DMD: variants seen among roughly 807,000 people sequenced by gnomAD.
DMD encodes dystrophin, also known as mutant dystrophin.
A neutral mutation model predicts 330.1 loss-of-function variants in DMD; 63 were observed. The observed-to-expected ratio is 0.19, with a 90% confidence interval of 0.16 to 0.24. The LOEUF (loss-of-function observed/expected upper bound fraction) is 0.24. DMD is among the 10% of genes least tolerant of loss of function. The pLI is 1.00. For synonymous variants in DMD, 1,223 were observed against 959.8 expected, an observed-to-expected ratio of 1.27 and a Z score of -5.07; for missense variants, 3,344 against 2,684.1, an observed-to-expected ratio of 1.25 and a Z score of -5.43.
At chrX:31,728,115 C>T (rs2086204688) in intron 52 of DMD, among the ~76,000 whole-genome samples, 1 of 112,195 alleles carries the variant, frequency 8.9e-6, no homozygotes, top group East Asian at 2.8e-4. Flanking sequence ...CTCCGCCTCC[C>T]GGGTTCACGC....
At chrX:31,586,883 A>T (rs1456638068) in intron 55 of DMD, among the ~76,000 whole-genome samples, 1 of 112,288 alleles carries the variant, frequency 8.9e-6, no homozygotes, top group African/African-American at 3.2e-5. Context: ...CAATTTAGGA[A>T]CTAAACTCTT....
At chrX:32,852,106 C>A (rs772314496) in intron 2 of DMD, among the ~76,000 whole-genome samples, 28 of 111,757 alleles carry the variant, frequency 2.5e-4, no homozygotes, top group Non-Finnish European at 4.7e-4. Context: ...CCTAACAGTG[C>A]AGCTGACAGC....
intron 44 of DMD, among the ~76,000 whole-genome samples, chrX:32,154,868 A>C (rs2096822917): frequency 9.2e-6 from 1 of 108,536 alleles, no homozygotes; most frequent in Non-Finnish European, 1.9e-5. Context: ...AAAAAAAAAA[A>C]ATTGCCTGTT....
At chrX:32,489,870 T>C (rs1412595555) in intron 20 of DMD, among the ~76,000 whole-genome samples, 11 of 111,844 alleles carry the variant, frequency 9.8e-5, no homozygotes, top group Non-Finnish European at 1.9e-5. Context: ...AATTACAAAA[T>C]GCATCTCAAT....
Position 33,142,029 on chromosome X carries a change from T to C in DMD, c.31+69253A>G, listed in dbSNP as rs1157551649. The stretch of plus-strand genomic sequence containing the variant: ...TCAAACTGAAATGCCTAAGCAACCC[T>C]TAAAGATAGCTTTTGTCAAGCTAAA... On this transcript the variant is annotated intron_variant, in intron 1 of 78. Coordinates refer to ENST00000357033, the MANE Select transcript of DMD (RefSeq NM_004006.3). Among the ~76,000 whole-genome samples the C allele has an allele frequency of 2.7e-5, 3 of 112,642 alleles. No individual in the cohort carries two copies. The Admixed American group carries it at 2.8e-4, about 11-fold the overall frequency.
At chrX:32,556,365 G>A (rs1473862903) in intron 16 of DMD, among the ~76,000 whole-genome samples, 2 of 111,411 alleles carry the variant, frequency 1.8e-5, no homozygotes, top group Non-Finnish European at 3.8e-5. Context: ...CACTCTTGGT[G>A]GGAGTGTAAA....
chrX:32,663,056 A>G (rs935047993), intron 9 of DMD, among the ~76,000 whole-genome samples: 3 of 111,805 alleles, frequency 2.7e-5, no homozygotes, highest in African/African-American at 9.8e-5. Flanking sequence ...CAATATATTG[A>G]CTATTTTTCA....
chrX:32,255,939 C>A (rs1025172124), intron 43 of DMD, among the ~76,000 whole-genome samples: 1 of 111,953 alleles, frequency 8.9e-6, no homozygotes. Context: ...AGTTGTATAA[C>A]TGTGAAATCA....
chrX:32,986,286 T>C (rs899354792), intron 2 of DMD, among the ~76,000 whole-genome samples: 1 of 112,394 alleles, frequency 8.9e-6, no homozygotes, highest in Non-Finnish European at 1.9e-5. Context: ...TTGTTAAAGC[T>C]GATCTAGAAG....
chrX:32,206,129 G>A (rs1262191718), intron 44 of DMD: 16 of 516,757 alleles, frequency 3.1e-5, no homozygotes, highest in Non-Finnish European at 4.9e-5. Flanking sequence ...CTTTGAAAAT[G>A]TCTGTACAGC....
At chrX:31,897,293 G>A (rs2094352850) in intron 47 of DMD, among the ~76,000 whole-genome samples, 1 of 111,352 alleles carries the variant, frequency 9.0e-6, no homozygotes, top group African/African-American at 3.3e-5. Flanking sequence ...TGGTGTATAT[G>A]TGCCACATTT....
chrX:32,375,227 TAAAG>T (rs1014528283), intron 34 of DMD, among the ~76,000 whole-genome samples: 2 of 109,370 alleles, frequency 1.8e-5, no homozygotes, highest in African/African-American at 6.7e-5. Flanking sequence ...ATGTAGATAA[TAAAG>T]AAAAAAAAAG....
chrX:31,699,116 A>G (rs1033297824), intron 52 of DMD, among the ~76,000 whole-genome samples: 3 of 111,995 alleles, frequency 2.7e-5, no homozygotes, highest in Non-Finnish European at 5.6e-5. Flanking sequence ...GGCACTGAGA[A>G]AAGTACCTGA....
At chrX:31,148,377 T>C (rs1361505886) in intron 74 of DMD, among the ~76,000 whole-genome samples, 1 of 112,625 alleles carries the variant, frequency 8.9e-6, no homozygotes, top group Admixed American at 9.4e-5. Context: ...TCCAGGTCGA[T>C]ACATAATAGT....
chrX:32,848,068 G>GTGAT (rs1488080119), intron 3 of DMD, among the ~76,000 whole-genome samples: 1 of 111,774 alleles, frequency 8.9e-6, no homozygotes. Context: ...ATTGCTTTGG[G>GTGAT]TGATAGATGG....
rs779693224 is a variant in DMD, at chrX:33,101,575, G to A, written c.32-81375C>T. Among the ~76,000 whole-genome samples the A allele has an allele frequency of 3.6e-5, 4 of 111,507 alleles. No individual in the cohort carries two copies. In the South Asian group the frequency reaches 1.1e-3, roughly 31 times the overall value. ...GAACCAGGGAGGCGGAGGTTGCAGC[G>A]GGCAGAGATCGTGCCACTGCACTCC... On this transcript the variant is annotated intron_variant, in intron 1 of 78. Coordinates refer to ENST00000357033, the MANE Select transcript of DMD (RefSeq NM_004006.3).
At chrX:33,308,138 G>A (rs1197015811) in intron 1 of DMD, among the ~76,000 whole-genome samples, 2 of 112,085 alleles carry the variant, frequency 1.8e-5, no homozygotes, top group African/African-American at 6.5e-5. Context: ...AGCTACTTAT[G>A]ACATTGAATT....
intron 13 of DMD, among the ~76,000 whole-genome samples, chrX:32,587,673 G>A (rs1012049912): frequency 9.0e-6 from 1 of 110,801 alleles, no homozygotes; most frequent in Admixed American, 9.8e-5. Flanking sequence ...TTCCCACTCA[G>A]TATGTCACCT....
chrX:31,622,877 TACACAC>T (rs1169355719), intron 55 of DMD, among the ~76,000 whole-genome samples: 4 of 70,311 alleles, frequency 5.7e-5, no homozygotes, highest in East Asian at 4.6e-4. Flanking sequence ...TATATATATA[TACACAC>T]ACACACACAC....
Sources: gnomAD v4.1 joint callset for allele counts (sites outside exome capture counted in the v4.1 genomes callset) on GRCh38, gnomAD v4.1.1 for gene constraint, MANE v1.5 for transcripts, NCBI Gene and HGNC (gene_info 2026-07-23, HGNC 2026-07-21) for gene names.